CTNNA2: variants seen among roughly 807,000 people sequenced by gnomAD.
CTNNA2 encodes the protein catenin alpha 2, also known as catenin alpha-2.
In CTNNA2, 42 loss-of-function variants were observed where a neutral mutation model predicts 101.0. That is an observed-to-expected ratio of 0.42 (90% confidence interval 0.32 to 0.54). The LOEUF (loss-of-function observed/expected upper bound fraction) is 0.54. CTNNA2 is among the 20% of genes least tolerant of loss of function. The pLI is 0.14. For missense variants in CTNNA2, 871 were observed against 1,223.1 expected (o/e 0.71, Z 4.29); for synonymous variants, 450 against 456.4 (o/e 0.99, Z 0.18).
chr2:79,881,493 C>G (rs1683421314), intron 6 of CTNNA2, among the ~76,000 whole-genome samples: 1 of 152,026 alleles, frequency 6.6e-6, no homozygotes, highest in Non-Finnish European at 1.5e-5. Context: ...GAATCCGGTG[C>G]TCTTGTATTG....
At chr2:79,759,329 G>T (rs1295567516) in intron 3 of CTNNA2, among the ~76,000 whole-genome samples, 1 of 152,092 alleles carries the variant, frequency 6.6e-6, no homozygotes, top group African/African-American at 2.4e-5. Flanking sequence ...GGAGGCGGAG[G>T]TTGCAGTGAA....
intron 4 of CTNNA2, among the ~76,000 whole-genome samples, chr2:79,413,764 A>G (rs1389501918): frequency 1.3e-5 from 2 of 151,904 alleles, no homozygotes; most frequent in African/African-American, 4.8e-5. Flanking sequence ...GTATTATAAC[A>G]GGTATGAGGT....
At chr2:80,199,314 G>A (rs1030373699) in intron 7 of CTNNA2, among the ~76,000 whole-genome samples, 3 of 151,946 alleles carry the variant, frequency 2.0e-5, no homozygotes, top group Non-Finnish European at 4.4e-5. Context: ...TAGCTATGTG[G>A]TGAGCAACTT....
intron 3 of CTNNA2, among the ~76,000 whole-genome samples, chr2:79,320,458 C>A (rs974530800): frequency 6.6e-6 from 1 of 151,898 alleles, no homozygotes; most frequent in African/African-American, 2.4e-5. Context: ...AGGCACAGGG[C>A]GTATTATAGC....
At chr2:80,343,909 T>G (rs1672470205) in intron 7 of CTNNA2, among the ~76,000 whole-genome samples, 1 of 152,166 alleles carries the variant, frequency 6.6e-6, no homozygotes, top group Non-Finnish European at 1.5e-5. Flanking sequence ...ATATATAACT[T>G]GACTTCAGTA....
At chr2:80,532,742 T>TG (rs1182014448) in intron 9 of CTNNA2, among the ~76,000 whole-genome samples, 5 of 152,096 alleles carry the variant, frequency 3.3e-5, no homozygotes, top group East Asian at 1.9e-4. Flanking sequence ...TGTGTGTGTG[T>TG]TTTTTTTAAA....
At chr2:80,447,848 G>A (rs1683195609) in intron 9 of CTNNA2, among the ~76,000 whole-genome samples, 1 of 152,222 alleles carries the variant, frequency 6.6e-6, no homozygotes, top group African/African-American at 2.4e-5. Context: ...ATTTAGGGAT[G>A]AAGATGAGGT....
chr2:79,471,907 C>T (rs1470670012), intron 4 of CTNNA2, among the ~76,000 whole-genome samples: 1 of 152,056 alleles, frequency 6.6e-6, no homozygotes, highest in Non-Finnish European at 1.5e-5. Context: ...GAATTTGACC[C>T]TGGCCCCTTA....
chr2:80,231,172 C>T (rs924326547), intron 7 of CTNNA2, among the ~76,000 whole-genome samples: 2 of 152,064 alleles, frequency 1.3e-5, no homozygotes, highest in Non-Finnish European at 2.9e-5. Context: ...CAGGGTTTCA[C>T]CATGTTGGCC....
intron 1 of CTNNA2, among the ~76,000 whole-genome samples, chr2:79,606,422 C>T (rs987730005): frequency 6.6e-6 from 1 of 152,104 alleles, no homozygotes; most frequent in African/African-American, 2.4e-5. Flanking sequence ...CACCCGCCAG[C>T]ACGCCTGGCT....
chr2:79,684,778 C>T (rs1683822369), intron 2 of CTNNA2, among the ~76,000 whole-genome samples: 1 of 152,126 alleles, frequency 6.6e-6, no homozygotes, highest in African/African-American at 2.4e-5. Context: ...AATGACTATA[C>T]ACATTTCCTT....
intron 4 of CTNNA2, among the ~76,000 whole-genome samples, chr2:79,416,350 T>C (rs1293623577): frequency 6.6e-6 from 1 of 151,444 alleles, no homozygotes; most frequent in Non-Finnish European, 1.5e-5. Flanking sequence ...TGTATCTTGT[T>C]ACAAATCCAA....
chr2:80,635,830 CTGAT>C (rs747259001), intron 18 of CTNNA2, among the ~76,000 whole-genome samples: 7 of 152,006 alleles, frequency 4.6e-5, no homozygotes, highest in African/African-American at 4.8e-5. Context: ...AAAAAAGGAC[CTGAT>C]TGATTGGGCA....
chr2:79,977,630 T>C (rs1255184229), intron 7 of CTNNA2, among the ~76,000 whole-genome samples: 1 of 152,188 alleles, frequency 6.6e-6, no homozygotes, highest in Non-Finnish European at 1.5e-5. Context: ...AAATAGTGCA[T>C]TATAATACAA....
At chr2:79,870,012 A>G (rs1474548839) in intron 5 of CTNNA2, 77 bp downstream of exon 5, 21 of 1,527,160 alleles carry the variant, frequency 1.4e-5, no homozygotes, top group Non-Finnish European at 1.8e-5. Context: ...GGCCTGAACA[A>G]TGGATCAACT....
chr2:79,586,394 G>A (rs928596035), intron 1 of CTNNA2, among the ~76,000 whole-genome samples: 44 of 152,134 alleles, frequency 2.9e-4, no homozygotes, highest in African/African-American at 1.0e-3. Context: ...TTATTTCTCC[G>A]CTCGGCCTCT....
At chr2:80,328,209 T>C in intron 7 of CTNNA2, 1 of 460,174 alleles carries the variant, frequency 2.2e-6, no homozygotes, top group South Asian at 1.6e-5. Flanking sequence ...ACTGCTTTTT[T>C]GGGTTTTGTC....
intron 9 of CTNNA2, among the ~76,000 whole-genome samples, chr2:80,473,741 T>G (rs1322450829): frequency 6.6e-6 from 1 of 152,218 alleles, no homozygotes; most frequent in African/African-American, 2.4e-5. Context: ...TGCTTGTACA[T>G]CCTGAGTGAT....
Position 80,647,936 on chromosome 2 carries a change from C to A in CTNNA2, c.*64C>A. 6.8e-7 allele frequency: 1 copy of A among 1,480,576 alleles called. No individual in the cohort carries two copies. Among genetic ancestry groups the A allele is most frequent in the Non-Finnish European group, 9.1e-7 (1 of 1,104,186 alleles). 91.7% of individuals were successfully genotyped at this position (1,480,576 alleles called of 1,614,324 possible). ...CTTTCTTTCTTTTTCTTTTTAATTC[C>A]ATTTTTGTATGCATACCTGCCAGCT... On this transcript the variant is annotated 3_prime_UTR_variant, in exon 19 of 19. Coordinates refer to ENST00000402739, the MANE Select transcript of CTNNA2 (RefSeq NM_001282597.3).
Sources: gnomAD v4.1 joint callset for allele counts (sites outside exome capture counted in the v4.1 genomes callset) on GRCh38, gnomAD v4.1.1 for gene constraint, MANE v1.5 for transcripts, NCBI Gene and HGNC (gene_info 2026-07-23, HGNC 2026-07-21) for gene names.